The following MCC variants were observed in gnomAD, a reference collection of about 807,000 sequenced individuals.
MCC encodes MCC regulator of Wnt signaling pathway, also known as colorectal mutant cancer protein.
In MCC, 90 loss-of-function variants were observed where a neutral mutation model predicts 116.2. The observed-to-expected ratio is 0.77, with a 90% CI of 0.65 to 0.92. The LOEUF (loss-of-function observed/expected upper bound fraction) is 0.92, where lower values mean the gene tolerates loss of function less well. Ranked by LOEUF, MCC falls within the 40% of genes least tolerant of loss-of-function variation. MCC has a pLI of 0.00. For synonymous variants in MCC, 578 were observed against 510.5 expected, an observed-to-expected ratio of 1.13 and a Z score of -1.78; for missense variants, 1,516 against 1,312.2, an observed-to-expected ratio of 1.16 and a Z score of -2.40.
At chr5:113,301,957 G>C (rs965166323) in intron 3 of MCC, among the ~76,000 whole-genome samples, 2 of 152,186 alleles carry the variant, frequency 1.3e-5, no homozygotes, top group Admixed American at 6.5e-5. Context: ...ACATGATCCA[G>C]TTTACATTTT....
intron 1 of MCC, among the ~76,000 whole-genome samples, chr5:113,440,961 C>T (rs902168558): frequency 6.6e-6 from 1 of 152,098 alleles, no homozygotes; most frequent in Non-Finnish European, 1.5e-5. Context: ...TCCTTTCTAC[C>T]CCCTATACTC....
chr5:113,052,115 G>T (rs892540808), intron 15 of MCC, among the ~76,000 whole-genome samples: 3 of 127,724 alleles, frequency 2.3e-5, no homozygotes, highest in Admixed American at 8.9e-5. Flanking sequence ...AGTGGCAAAG[G>T]GAGTATTAGA....
chr5:113,333,723 CCA>C (rs1246997566), intron 3 of MCC, among the ~76,000 whole-genome samples: 1 of 127,806 alleles, frequency 7.8e-6, no homozygotes, highest in African/African-American at 2.7e-5. Context: ...GTGCACTTCC[CCA>C]CAGATAGCTG....
intron 3 of MCC, among the ~76,000 whole-genome samples, chr5:113,158,959 C>T (rs1486424523): frequency 6.6e-6 from 1 of 151,786 alleles, no homozygotes; most frequent in Non-Finnish European, 1.5e-5. Flanking sequence ...GGATGTGGGG[C>T]GGGGGTGAGG....
At chr5:113,071,770 G>T (rs905650073) in intron 11 of MCC, among the ~76,000 whole-genome samples, 1 of 152,182 alleles carries the variant, frequency 6.6e-6, no homozygotes, top group Admixed American at 6.5e-5. Flanking sequence ...ATTTGAACCG[G>T]GAAGTGTGAC....
intron 3 of MCC, among the ~76,000 whole-genome samples, chr5:113,251,820 G>T (rs979169314): frequency 6.6e-6 from 1 of 152,156 alleles, no homozygotes; most frequent in African/African-American, 2.4e-5. Flanking sequence ...TATAGGAAGT[G>T]GGAATGATGC....
At chr5:113,115,593 T>C (rs979601205) in intron 6 of MCC, among the ~76,000 whole-genome samples, 1 of 152,104 alleles carries the variant, frequency 6.6e-6, no homozygotes, top group African/African-American at 2.4e-5. Context: ...GGTGCCCATC[T>C]AGGATCCCCT....
At chr5:113,231,942 AACTT>A (rs1763954131) in intron 3 of MCC, among the ~76,000 whole-genome samples, 1 of 152,140 alleles carries the variant, frequency 6.6e-6, no homozygotes, top group Non-Finnish European at 1.5e-5. Flanking sequence ...TATATCTGAC[AACTT>A]ACTGACACTA....
chr5:113,233,506 T>C (rs1457496555), intron 3 of MCC, among the ~76,000 whole-genome samples: 1 of 152,188 alleles, frequency 6.6e-6, no homozygotes, highest in Non-Finnish European at 1.5e-5. Flanking sequence ...TCTGAAACCC[T>C]GGGTATCTTA....
In MCC at chr5:113,332,693, T is replaced by C. The variant is rs570287721; in HGVS notation, c.627+7826A>G. 2.6e-5 allele frequency among the ~76,000 whole-genome samples: 4 copies of C among 151,484 alleles called. 1 individual carries two copies. Among genetic ancestry groups the C allele is most frequent in the Admixed American group, 1.3e-4 (2 of 15,232 alleles). ...CCGTTTTACTAGGGCCAATAAAATATAACATTTGGGGTTACCTTCCATGCT... is the reference window on the plus strand; with the variant it reads ...CCGTTTTACTAGGGCCAATAAAATACAACATTTGGGGTTACCTTCCATGCT... On this transcript the variant is annotated intron_variant, in intron 3 of 18. Transcript: ENST00000408903.
At chr5:113,028,330 G>C (rs1278906879) in intron 18 of MCC, among the ~76,000 whole-genome samples, 1 of 152,090 alleles carries the variant, frequency 6.6e-6, no homozygotes, top group Non-Finnish European at 1.5e-5. Flanking sequence ...TGTAAGACCA[G>C]TGCCACTTTT....
At chr5:113,342,072 T>C (rs547128078) in intron 2 of MCC, among the ~76,000 whole-genome samples, 1 of 151,998 alleles carries the variant, frequency 6.6e-6, no homozygotes, top group South Asian at 2.1e-4. Context: ...CTCCCACTTA[T>C]GAGTGAGAAC....
chr5:113,246,922 T>C (rs1454857713), intron 3 of MCC, among the ~76,000 whole-genome samples: 2 of 152,164 alleles, frequency 1.3e-5, no homozygotes, highest in Non-Finnish European at 2.9e-5. Context: ...CCCTTTATAT[T>C]TAAGCAGGAG....
intron 3 of MCC, among the ~76,000 whole-genome samples, chr5:113,316,752 C>G (rs1359048446): frequency 2.0e-5 from 3 of 152,198 alleles, no homozygotes; most frequent in Non-Finnish European, 4.4e-5. Context: ...GTAAACCAAA[C>G]TGCTCCCCCA....
At chr5:113,153,193 A>C (rs923419468) in intron 3 of MCC, among the ~76,000 whole-genome samples, 2 of 152,198 alleles carry the variant, frequency 1.3e-5, no homozygotes, top group South Asian at 2.1e-4. Flanking sequence ...GTGAGAGCTG[A>C]CATGTTCTTG....
intron 3 of MCC, among the ~76,000 whole-genome samples, chr5:113,286,608 C>G (rs943926481): frequency 1.3e-5 from 2 of 152,222 alleles, no homozygotes; most frequent in African/African-American, 4.8e-5. Context: ...ACCAAAACAT[C>G]AGGCAGCCTT....
chr5:113,078,082 A>C (rs973307956), intron 11 of MCC, among the ~76,000 whole-genome samples: 1 of 152,218 alleles, frequency 6.6e-6, no homozygotes, highest in Non-Finnish European at 1.5e-5. Context: ...CTGGACACAT[A>C]CACCTTCCCA....
chr5:113,186,604 A>T (rs1761909352), intron 3 of MCC, among the ~76,000 whole-genome samples: 1 of 152,196 alleles, frequency 6.6e-6, no homozygotes, highest in African/African-American at 2.4e-5. Context: ...ACTTGATGTA[A>T]ATGCAACTTA....
intron 3 of MCC, among the ~76,000 whole-genome samples, chr5:113,179,686 A>G (rs1198666328): frequency 2.0e-5 from 3 of 152,184 alleles, no homozygotes; most frequent in African/African-American, 7.2e-5. Context: ...ATGCAGTTGA[A>G]TTTTTCAAAA....
Sources: allele counts gnomAD v4.1 joint callset (sites outside exome capture counted in the v4.1 genomes callset), GRCh38; gene constraint gnomAD v4.1.1; transcripts MANE v1.5; gene names NCBI Gene and HGNC (gene_info 2026-07-23, HGNC 2026-07-21).